DAB1: variants seen among roughly 807,000 people sequenced by gnomAD.
The protein encoded by DAB1 is DAB adaptor protein 1.
Under a neutral mutation model 64.6 loss-of-function variants are expected in DAB1, and 15 were observed. The observed-to-expected ratio is 0.23, with a 90% CI of 0.16 to 0.36. The LOEUF (loss-of-function observed/expected upper bound fraction) is 0.36. Ranked by LOEUF, DAB1 falls within the 10% of genes least tolerant of loss-of-function variation. DAB1 has a pLI of 1.00. For missense variants in DAB1, 596 were observed against 706.7 expected (o/e 0.84, Z 1.78); for synonymous variants, 235 against 251.9 (o/e 0.93, Z 0.64).
chr1:57,802,324 T>C (rs1441632800), intron 6 of DAB1, among the ~76,000 whole-genome samples: 1 of 152,182 alleles, frequency 6.6e-6, no homozygotes, highest in Non-Finnish European at 1.5e-5. Context: ...TTACCCTGGC[T>C]GTTGGTCAGT....
intron 3 of DAB1, among the ~76,000 whole-genome samples, chr1:58,430,191 G>T (rs706425): frequency 0.078 from 11,813 of 152,240 alleles, 669 homozygotes; most frequent in East Asian, 0.27. Flanking sequence ...ACAAAGCCAG[G>T]GCACATCCAG....
chr1:57,368,304 G>A (rs12026428), intron 1 of DAB1, among the ~76,000 whole-genome samples: 1 of 152,352 alleles, frequency 6.6e-6, no homozygotes, highest in East Asian at 1.9e-4. Context: ...CTGGGCAAAA[G>A]GGGGCAGGTC....
intron 2 of DAB1, among the ~76,000 whole-genome samples, chr1:57,184,161 GT>G (rs1441958712): frequency 6.6e-6 from 1 of 152,210 alleles, no homozygotes; most frequent in East Asian, 1.9e-4. Flanking sequence ...CAGGCACCCT[GT>G]TAACAGGAGG....
At chr1:57,690,719 A>G (rs2101712601) in intron 6 of DAB1, among the ~76,000 whole-genome samples, 1 of 152,326 alleles carries the variant, frequency 6.6e-6, no homozygotes, top group South Asian at 2.1e-4. Context: ...AAGAACCTCC[A>G]AACAGTTCTC....
chr1:58,283,602 C>A (rs780801680), intron 4 of DAB1, among the ~76,000 whole-genome samples: 3 of 152,148 alleles, frequency 2.0e-5, no homozygotes, highest in African/African-American at 7.2e-5. Flanking sequence ...TGCAAACTTG[C>A]GCGAGTCACT....
At chr1:57,426,874 A>ATT (rs34515405), upstream of DAB1, among the ~76,000 whole-genome samples, 1 of 149,182 alleles carries the variant, frequency 6.7e-6, no homozygotes, top group South Asian at 2.1e-4. Flanking sequence ...ATATATATAT[A>ATT]TTTTTTTGAG....
At chr1:57,726,958 C>T (rs1647220275) in intron 6 of DAB1, among the ~76,000 whole-genome samples, 1 of 152,072 alleles carries the variant, frequency 6.6e-6, no homozygotes, top group Admixed American at 6.6e-5. Flanking sequence ...GGATCTTATC[C>T]AAAGGAGTGC....
intron 5 of DAB1, among the ~76,000 whole-genome samples, chr1:57,983,513 G>T (rs1431207790): frequency 6.6e-6 from 1 of 152,122 alleles, no homozygotes; most frequent in Admixed American, 6.5e-5. Context: ...GGACCCACAT[G>T]AATGCTAAAT....
rs534822246 is a variant in DAB1, at chr1:58,323,808, C to T, written n.309+19544G>A. The stretch of plus-strand genomic sequence containing the variant: ...GGCGTGGCGGTGGGCGCCTGTAGTC[C>T]CAGCTACTCAGGAGGCTGAGGCAGG... On this transcript the variant is annotated intron_variant and non_coding_transcript_variant, in intron 4 of 20. Coordinates refer to the DAB1 transcript ENST00000485760. 9.2e-5 allele frequency among the ~76,000 whole-genome samples: 14 copies of T among 151,486 alleles called. No homozygotes were observed. The South Asian group carries it at 2.9e-3, about 32-fold the overall frequency.
At chr1:58,447,672 A>G (rs1269258745) in intron 3 of DAB1, among the ~76,000 whole-genome samples, 1 of 152,208 alleles carries the variant, frequency 6.6e-6, no homozygotes, top group African/African-American at 2.4e-5. Context: ...CAAATGTATG[A>G]CAGAACAATG....
At chr1:57,859,170 T>C (rs1653892755) in intron 1 of DAB1, among the ~76,000 whole-genome samples, 1 of 152,144 alleles carries the variant, frequency 6.6e-6, no homozygotes. Context: ...ACCTATTTCC[T>C]AACCTAGACC....
At chr1:58,376,479 T>C (rs151057503) in intron 3 of DAB1, among the ~76,000 whole-genome samples, 4,291 of 139,778 alleles carry the variant, frequency 0.031, 358 homozygotes, top group East Asian at 0.18. Flanking sequence ...TTCCATGTAG[T>C]TGAGTGGCTC....
chr1:58,499,506 A>ATAGATAGATAGG, intron 3 of DAB1, among the ~76,000 whole-genome samples: 1 of 135,356 alleles, frequency 7.4e-6, no homozygotes, highest in Admixed American at 7.4e-5. Context: ...AGATAGATAG[A>ATAGATAGATAGG]TAAATAGATA....
intron 3 of DAB1, among the ~76,000 whole-genome samples, chr1:58,438,900 G>A (rs1018534743): frequency 6.6e-6 from 1 of 152,194 alleles, no homozygotes; most frequent in Admixed American, 6.5e-5. Flanking sequence ...ACTTGCGTCT[G>A]AATCCATGGC....
At chr1:58,160,731 AT>A (rs1655491554) in intron 4 of DAB1, among the ~76,000 whole-genome samples, 1 of 148,918 alleles carries the variant, frequency 6.7e-6, no homozygotes, top group Admixed American at 6.6e-5. Context: ...GCTTTAAATA[AT>A]TTTGGGTACA....
intron 3 of DAB1, among the ~76,000 whole-genome samples, chr1:57,139,620 A>G (rs913650898): frequency 5.9e-5 from 9 of 152,260 alleles, no homozygotes; most frequent in Middle Eastern, 3.4e-3. Flanking sequence ...GGATAGGGCT[A>G]CACCTTTGGT....
At chr1:57,380,161 A>C (rs1008068425) in intron 1 of DAB1, among the ~76,000 whole-genome samples, 2 of 152,186 alleles carry the variant, frequency 1.3e-5, no homozygotes, top group African/African-American at 4.8e-5. Flanking sequence ...AACCCTCTGA[A>C]GTAGGTCATA....
At chr1:58,442,641 A>G (rs1378467302) in intron 3 of DAB1, among the ~76,000 whole-genome samples, 1 of 152,228 alleles carries the variant, frequency 6.6e-6, no homozygotes, top group African/African-American at 2.4e-5. Context: ...GAAAAACCTG[A>G]GTTTAAATCC....
intron 5 of DAB1, among the ~76,000 whole-genome samples, chr1:58,061,053 G>T (rs913474979): frequency 1.3e-5 from 2 of 152,210 alleles, no homozygotes; most frequent in Non-Finnish European, 2.9e-5. Flanking sequence ...GAAAGGACCA[G>T]TCGTGGCCAG....
Sources: gnomAD v4.1 joint callset for allele counts (sites outside exome capture counted in the v4.1 genomes callset) on GRCh38, gnomAD v4.1.1 for gene constraint, MANE v1.5 for transcripts, NCBI Gene and HGNC (gene_info 2026-07-23, HGNC 2026-07-21) for gene names.